The following ADD1 variants were observed in gnomAD, a reference collection of about 807,000 sequenced individuals.
The protein encoded by ADD1 is alpha-adducin.
ADD1 carries 24 observed loss-of-function variants against 80.5 expected under a neutral mutation model. That is an observed-to-expected ratio of 0.30 (90% CI 0.22 to 0.42). The LOEUF (loss-of-function observed/expected upper bound fraction) is 0.42, where lower values mean the gene tolerates loss of function less well. Among genes scored for constraint, ADD1 ranks in the 10% least tolerant of loss-of-function variants. The pLI is 1.00. For synonymous variants in ADD1, 373 were observed against 393.8 expected (o/e 0.95, Z 0.63); for missense variants, 948 against 1,019.0 (o/e 0.93, Z 0.95).
rs552236009 is a variant in ADD1 at position 2,927,039 on chromosome 4, G to T, written c.2047+927G>T. ...ACAGGGTGGGGTTCTGCCACCTGCC[G>T]TGTGGGGTCAGATTGCCTTGGACCT... is the stretch of plus-strand genomic sequence containing the variant. On this transcript the variant is annotated intron_variant, in intron 15 of 15. Coordinates refer to ENST00000683351, the MANE Select transcript of ADD1 (RefSeq NM_001354761.2). Among the ~76,000 whole-genome samples, 483 of 152,370 alleles carry T rather than the reference G, an allele frequency of 3.2e-3. 1 individual carries two copies. Among genetic ancestry groups the T allele is most frequent in the African/African-American group, 0.011 (469 of 41,584 alleles).
At chr4:2,864,139 G>A (rs905116395) in intron 1 of ADD1, among the ~76,000 whole-genome samples, 2 of 152,338 alleles carry the variant, frequency 1.3e-5, no homozygotes, top group East Asian at 1.9e-4. Context: ...ATGGCCGGGC[G>A]TGGTGGCTCA....
chr4:2,912,442 C>T (rs1436846039), intron 13 of ADD1, among the ~76,000 whole-genome samples: 1 of 152,212 alleles, frequency 6.6e-6, no homozygotes, highest in Admixed American at 6.5e-5. Context: ...TCAGCTGTCT[C>T]AGTATGAGAG....
rs1355733517 is a variant in ADD1, at chr4:2,926,015, G to C, written c.1950G>C (p.Glu650Asp). The change falls in exon 15 of 16, where the codon GAG becomes GAC. Residue 650 changes from glutamate to aspartate, a missense_variant and splice_region_variant. Transcript: ENST00000683351. This position sits in a 1 kb window ranked among gnomAD's most constrained non-coding sequence, Gnocchi z 5.0. ...EVERKQKGSE[E>D]NLDEAREQKE... The stretch of plus-strand genomic sequence containing the variant: ...CATATCCTTCTTGCTTCTCTGCAGA[G>C]AATCTGGACGAGGCTAGAGAACAGA... 1 of 1,613,952 alleles carries C rather than the reference G, an allele frequency of 6.2e-7. No individual in the cohort carries two copies. The highest frequency in any genetic ancestry group is 1.7e-5 in the Admixed American group (1 of 60,012).
rs116244154 is a variant in ADD1, at chr4:2,889,315, A to G, written c.510+4649A>G. Among the ~76,000 whole-genome samples the G allele has an allele frequency of 2.4e-3, 363 of 152,324 alleles. 4 individuals are homozygous for G. The highest frequency in any genetic ancestry group is 8.3e-3 in the African/African-American group (345 of 41,564). ...GTGGAAATAATTATATGAGACTTCT[A>G]TACTATACATAATCACAAAGCAATC... is the stretch of plus-strand genomic sequence containing the variant. On this transcript the variant is annotated intron_variant, in intron 4 of 15. Coordinates refer to ENST00000683351, the MANE Select transcript of ADD1 (RefSeq NM_001354761.2).
At chr4:2,852,530 T>TA (rs1296412037) in intron 1 of ADD1, among the ~76,000 whole-genome samples, 2 of 150,852 alleles carry the variant, frequency 1.3e-5, no homozygotes, top group Non-Finnish European at 2.9e-5. Context: ...GTTTCGCAGA[T>TA]ACTCCATTTC....
At chr4:2,880,480 T>C (rs1351724130) in intron 2 of ADD1, among the ~76,000 whole-genome samples, 2 of 128,422 alleles carry the variant, frequency 1.6e-5, no homozygotes, top group African/African-American at 5.9e-5. Context: ...TTTTTTTTTT[T>C]TTTTTTTTTT....
At chr4:2,871,127 C>T (rs1046811325) in intron 1 of ADD1, among the ~76,000 whole-genome samples, 1 of 152,032 alleles carries the variant, frequency 6.6e-6, no homozygotes, top group Non-Finnish European at 1.5e-5. Flanking sequence ...CGCCACCACA[C>T]CCGGCTAATT....
chr4:2,886,045 A>G (rs1360816840), intron 4 of ADD1, among the ~76,000 whole-genome samples: 2 of 151,988 alleles, frequency 1.3e-5, no homozygotes, highest in Non-Finnish European at 2.9e-5. Flanking sequence ...TGTTTTTTTC[A>G]TGTAATTTCT....
intron 9 of ADD1, chr4:2,901,996 C>G (rs1736278527): frequency 6.6e-6 from 1 of 151,560 alleles, no homozygotes; most frequent in Non-Finnish European, 1.5e-5. Context: ...CTGAAGCAGT[C>G]CTCCCACCTC....
At chr4:2,877,196 T>C (rs1444644569) in intron 2 of ADD1, among the ~76,000 whole-genome samples, 1 of 152,148 alleles carries the variant, frequency 6.6e-6, no homozygotes, top group Non-Finnish European at 1.5e-5. Flanking sequence ...TGCTGCTGCC[T>C]TTGTGTGTGC....
At chr4:2,898,658 T>G in intron 8 of ADD1, 127 bp downstream of exon 8, 1 of 832,114 alleles carries the variant, frequency 1.2e-6, no homozygotes, top group South Asian at 1.4e-5. Context: ...AAAGATAAGC[T>G]CATGGATTTG....
chr4:2,852,360 T>C (rs1727412741), intron 1 of ADD1, among the ~76,000 whole-genome samples: 1 of 142,184 alleles, frequency 7.0e-6, no homozygotes, highest in South Asian at 2.3e-4. Context: ...AGAGTCTCGC[T>C]CTTTCGCCCA....
At chr4:2,914,842 C>T (rs145249889) in intron 13 of ADD1, 42 bp from the exon 14 acceptor site, 6 of 1,546,050 alleles carry the variant, frequency 3.9e-6, no homozygotes, top group Admixed American at 2.0e-5. Flanking sequence ...GAGTCCCCAT[C>T]GGGCCGGGCT....
At chr4:2,898,563 T>A (rs762131516) in intron 8 of ADD1, 32 bp downstream of exon 8, 1 of 1,574,608 alleles carries the variant, frequency 6.4e-7, no homozygotes, top group Admixed American at 1.7e-5. Context: ...CACTCTGCAG[T>A]TTATTTAGAT....
chr4:2,905,172 G>A (rs577638060), intron 10 of ADD1, 64 bp downstream of exon 10: 15 of 1,498,136 alleles, frequency 1.0e-5, no homozygotes, highest in African/African-American at 9.7e-5. Context: ...CTGGGGCTTC[G>A]GAGGCTTTGG....
intron 1 of ADD1, among the ~76,000 whole-genome samples, chr4:2,845,800 A>C (rs1402256089): frequency 6.6e-6 from 1 of 152,254 alleles, no homozygotes; most frequent in East Asian, 1.9e-4. Context: ...CTTTGAATTG[A>C]ATAAGAAAAG....
intron 15 of ADD1, among the ~76,000 whole-genome samples, chr4:2,927,888 G>A (rs916444259): frequency 6.6e-6 from 1 of 152,150 alleles, no homozygotes; most frequent in African/African-American, 2.4e-5. Context: ...GCTGCAGTCT[G>A]TCTTTCCGGC....
At position 2,904,937 on chromosome 4, in the gene ADD1, A is replaced by G; in HGVS notation, c.1335A>G (p.Thr445=). Residue 445 remains threonine (T), a synonymous_variant, in exon 10 of 16, where the codon ACA becomes ACG. Coordinates refer to ENST00000683351, the MANE Select transcript of ADD1 (RefSeq NM_001354761.2). ...TTCAGAAGCAGCAGCGGGAGAAGAC[A>G]AGATGGCTGAACTCTGGCCGGGGCG... The part of the protein sequence containing the change: ...HSFQKQQREK[T]RWLNSGRGDE... The G allele has an allele frequency of 6.2e-7, 1 of 1,614,206 alleles. No homozygotes were observed. The highest frequency in any genetic ancestry group is 8.5e-7 in the Non-Finnish European group (1 of 1,180,040).
intron 1 of ADD1, among the ~76,000 whole-genome samples, chr4:2,857,390 C>T (rs1282901928): frequency 3.3e-5 from 5 of 152,252 alleles, no homozygotes; most frequent in Non-Finnish European, 4.4e-5. Context: ...GTTAGAGGAT[C>T]GCTTGAGCCC....
Sources: gnomAD v4.1 joint callset for allele counts (sites outside exome capture counted in the v4.1 genomes callset) on GRCh38, gnomAD v4.1.1 for gene constraint, Gnocchi (gnomAD v3.1) non-coding constraint, MANE v1.5 for transcripts, NCBI Gene and HGNC (gene_info 2026-07-23, HGNC 2026-07-21) for gene names.